The following MISFA variants were observed in gnomAD, a reference collection of about 807,000 sequenced individuals.
MISFA encodes mitochondrial sheath formation-associated protein.
At chr11:18,602,114 C>T in the MISFA span, 2 of 152,202 alleles carry the variant, frequency 1.3e-5, no homozygotes, top group Non-Finnish European at 2.9e-5. Context: ...CTCCCATACT[C>T]ATTCCACTAG....
the MISFA span, chr11:18,602,942 C>T: frequency 7.7e-6 from 3 of 392,034 alleles, no homozygotes; most frequent in East Asian, 3.6e-5. Flanking sequence ...GAGCTCTGCC[C>T]CCCTAAATGG....
the MISFA span, chr11:18,606,963 C>T: frequency 5.8e-5 from 17 of 294,498 alleles, no homozygotes; most frequent in East Asian, 1.1e-3. Context: ...CAGGTTCTAG[C>T]GATTCTCCTG....
At chr11:18,609,622 G>A in the MISFA span, 1 of 513,752 alleles carries the variant, frequency 1.9e-6, no homozygotes, top group African/African-American at 1.9e-5. Context: ...TGGCATCTGT[G>A]AACAGTTAAC....
chr11:18,603,711 A>G, the MISFA span: 3 of 398,724 alleles, frequency 7.5e-6, no homozygotes, highest in Non-Finnish European at 1.3e-5. Context: ...CCAAATGCCT[A>G]AGCCCCCACA....
the MISFA span, chr11:18,601,508 A>G: frequency 5.1e-6 from 2 of 395,056 alleles, no homozygotes; most frequent in Non-Finnish European, 8.9e-6. Flanking sequence ...AGTGAGGTGC[A>G]AGCAGTCTTC....
At chr11:18,604,218 G>A in the MISFA span, among the ~76,000 whole-genome samples, 3 of 151,966 alleles carry the variant, frequency 2.0e-5, no homozygotes, top group South Asian at 2.1e-4. Context: ...GAGCCAATGT[G>A]CCCGGCATTA....
the MISFA span, chr11:18,609,207 T>C: frequency 6.6e-6 from 1 of 152,404 alleles, no homozygotes; most frequent in African/African-American, 2.4e-5. Flanking sequence ...AACCTGTATT[T>C]TAACTTGAAA....
At chr11:18,603,273 A>T in the MISFA span, 2 of 398,698 alleles carry the variant, frequency 5.0e-6, no homozygotes, top group Non-Finnish European at 8.9e-6. Context: ...AAGTATGAAA[A>T]TCCAACTCTA....
chr11:18,600,816 G>A, the MISFA span, among the ~76,000 whole-genome samples: 1,901 of 152,192 alleles, frequency 0.012, 27 homozygotes, highest in African/African-American at 0.03. Context: ...CACTGCGCCC[G>A]GCCAGGACAT....
the MISFA span, chr11:18,607,183 G>C: frequency 1.2e-5 from 2 of 162,588 alleles, no homozygotes; most frequent in African/African-American, 4.8e-5. Context: ...TTTTGTTAAC[G>C]GTCTTTGAAC....
chr11:18,600,094 G>T, the MISFA span: 1 of 398,396 alleles, frequency 2.5e-6, no homozygotes, highest in South Asian at 1.3e-4. Flanking sequence ...AGATAGTTGA[G>T]GTCTCACCAC....
At chr11:18,602,349 A>G in the MISFA span, 4 of 152,770 alleles carry the variant, frequency 2.6e-5, no homozygotes, top group African/African-American at 9.6e-5. Context: ...AGCCCCAGGT[A>G]TACTAAGAGC....
the MISFA span, chr11:18,607,121 C>T: frequency 5.4e-6 from 1 of 185,088 alleles, no homozygotes; most frequent in East Asian, 1.8e-4. Context: ...CCTCGGCCTC[C>T]CAAAGTGCTG....
the MISFA span, chr11:18,599,824 G>A: frequency 6.6e-5 from 26 of 395,852 alleles, no homozygotes; most frequent in Non-Finnish European, 3.6e-5. Context: ...AGACATGCGA[G>A]ACCTCTACCA....
the MISFA span, chr11:18,601,365 A>G: frequency 2.5e-5 from 10 of 398,040 alleles, no homozygotes; most frequent in East Asian, 3.6e-4. Context: ...ACCATGTCTC[A>G]TAGGTGTTGT....
At chr11:18,609,651 G>T in the MISFA span, 1 of 573,680 alleles carries the variant, frequency 1.7e-6, no homozygotes, top group Non-Finnish European at 3.1e-6. Flanking sequence ...AGCACAAGTG[G>T]GCATTATATC....
chr11:18,605,153 T>C, the MISFA span, among the ~76,000 whole-genome samples: 2 of 151,842 alleles, frequency 1.3e-5, no homozygotes, highest in Non-Finnish European at 2.9e-5. Context: ...TGAGGCAGAA[T>C]TGCTTGAACC....
chr11:18,604,008 G>T, the MISFA span: 1 of 273,492 alleles, frequency 3.7e-6, no homozygotes, highest in African/African-American at 2.6e-5. Flanking sequence ...CTCACTGCAA[G>T]CTCCGCCTCC....
At chr11:18,609,843 C>G in the MISFA span, 1 of 1,612,798 alleles carries the variant, frequency 6.2e-7, no homozygotes, top group South Asian at 1.1e-5. Flanking sequence ...TAGAATTTCA[C>G]AAAAATAAAA....
Sources: gnomAD v4.1 joint callset for allele counts (sites outside exome capture counted in the v4.1 genomes callset) on GRCh38, gnomAD v4.1.1 for gene constraint, MANE v1.5 for transcripts, NCBI Gene and HGNC (gene_info 2026-07-23, HGNC 2026-07-21) for gene names.